HHAT: variants seen among roughly 807,000 people sequenced by gnomAD.
HHAT encodes the protein protein-cysteine N-palmitoyltransferase HHAT.
Under a neutral mutation model 70.8 loss-of-function variants are expected in HHAT, and 47 were observed. The observed-to-expected ratio is 0.66, with a 90% confidence interval of 0.53 to 0.85. The LOEUF (loss-of-function observed/expected upper bound fraction) is 0.85, where lower values mean the gene tolerates loss of function less well. HHAT is among the 40% of genes least tolerant of loss of function. The pLI is 0.00. For missense variants in HHAT, 609 were observed against 604.8 expected, an observed-to-expected ratio of 1.01 and a Z score of -0.07; for synonymous variants, 228 against 247.6, an observed-to-expected ratio of 0.92 and a Z score of 0.74.
chr1:210,513,280 A>G (rs2094992793), intron 9 of HHAT, 92 bp downstream of exon 9: 1 of 695,294 alleles, frequency 1.4e-6, no homozygotes, highest in East Asian at 2.6e-5. Flanking sequence ...ATCTTGATAA[A>G]TAATGGCACT....
chr1:210,602,489 C>G (rs900016215), intron 10 of HHAT, among the ~76,000 whole-genome samples: 1 of 151,964 alleles, frequency 6.6e-6, no homozygotes, highest in African/African-American at 2.4e-5. Context: ...GCGTGCGCTA[C>G]CTGAAGTCAG....
chr1:210,547,250 C>T (rs533890198), intron 9 of HHAT, among the ~76,000 whole-genome samples: 3 of 152,122 alleles, frequency 2.0e-5, no homozygotes, highest in South Asian at 2.1e-4. Context: ...TGCTTGAACC[C>T]GGGAGGCAGA....
intron 9 of HHAT, among the ~76,000 whole-genome samples, chr1:210,535,359 A>G (rs1391045285): frequency 6.6e-6 from 1 of 152,048 alleles, no homozygotes. Flanking sequence ...TGTAAGGTTG[A>G]TTACTAGCCT....
intron 11 of HHAT, among the ~76,000 whole-genome samples, chr1:210,627,067 G>C (rs1272254408): frequency 6.6e-6 from 1 of 152,158 alleles, no homozygotes; most frequent in Non-Finnish European, 1.5e-5. Flanking sequence ...TAGATTTCCA[G>C]GTTTAAGGGA....
chr1:210,547,570 G>A (rs17016399), intron 9 of HHAT, among the ~76,000 whole-genome samples: 5,776 of 152,222 alleles, frequency 0.038, 343 homozygotes, highest in African/African-American at 0.13. Flanking sequence ...AGGTCCCAAA[G>A]GGCCTCTATT....
chr1:210,587,947 CTG>C lies in HHAT; in HGVS notation c.1095_1096del (p.Ser367HisfsTer84), dbSNP rs1389493950. ...GTCCCAGCATGGCCTGCTGGGGACA[CTG>C]TTTTCCACGGCGATGACATTTGCAT... is the stretch of plus-strand genomic sequence containing the variant. ...GGSQHGLLGT[L>X]FSTAMTFAFV... On this transcript the variant is annotated frameshift_variant, in exon 10 of 12. Transcript: ENST00000261458. LOFTEE classifies it high-confidence loss of function. 2 of 1,613,992 alleles carry C rather than the reference CTG, an allele frequency of 1.2e-6. No homozygotes were observed. The highest frequency in any genetic ancestry group is 2.7e-5 in the African/African-American group (2 of 74,920).
chr1:210,538,006 A>C (rs1052751236), intron 9 of HHAT, among the ~76,000 whole-genome samples: 1 of 152,076 alleles, frequency 6.6e-6, no homozygotes, highest in African/African-American at 2.4e-5. Context: ...GCTAATTAGA[A>C]ATAGTGATGA....
chr1:210,671,378 T>C (rs1459483015), intron 11 of HHAT, among the ~76,000 whole-genome samples: 2 of 152,220 alleles, frequency 1.3e-5, no homozygotes, highest in African/African-American at 4.8e-5. Context: ...ATGAGAACTC[T>C]GAGGGCTTCC....
intron 11 of HHAT, among the ~76,000 whole-genome samples, chr1:210,639,009 ATT>A (rs1490664731): frequency 1.3e-5 from 2 of 152,224 alleles, no homozygotes; most frequent in Non-Finnish European, 2.9e-5. Flanking sequence ...TAAATTGGTG[ATT>A]TATGTGATAT....
intron 11 of HHAT, among the ~76,000 whole-genome samples, chr1:210,635,360 A>G (rs141970544): frequency 2.0e-5 from 3 of 152,352 alleles, no homozygotes; most frequent in African/African-American, 7.2e-5. Context: ...AAGCCCATAC[A>G]TGCCATGCTG....
At chr1:210,360,323 GT>G (rs1311846105) in intron 2 of HHAT, among the ~76,000 whole-genome samples, 2 of 138,708 alleles carry the variant, frequency 1.4e-5, no homozygotes, top group Non-Finnish European at 3.1e-5. Flanking sequence ...TTTTTGTTTT[GT>G]TTTGATATGA....
intron 9 of HHAT, among the ~76,000 whole-genome samples, chr1:210,531,720 T>C (rs1435960197): frequency 6.6e-6 from 1 of 152,224 alleles, no homozygotes; most frequent in African/African-American, 2.4e-5. Context: ...AGAAAACCCA[T>C]ATGAAAATGC....
In HHAT at chr1:210,476,683, A is replaced by T. The variant is rs199770022; in HGVS notation, c.1007+12028A>T. Among the ~76,000 whole-genome samples, 12 of 152,244 alleles carry T rather than the reference A, an allele frequency of 7.9e-5. No individual in the cohort carries two copies. In the East Asian group the frequency reaches 1.5e-3, roughly 20 times the overall value. The stretch of plus-strand genomic sequence containing the variant: ...GGACTGCTATACCTTACTGTTTTGT[A>T]TTTGATATTTTGCTTTAACACAGCC... On this transcript the variant is annotated intron_variant, in intron 8 of 11. Coordinates refer to ENST00000261458, the MANE Select transcript of HHAT (RefSeq NM_018194.6).
chr1:210,660,743 A>G (rs998208377), intron 11 of HHAT, among the ~76,000 whole-genome samples: 1 of 152,006 alleles, frequency 6.6e-6, no homozygotes, highest in African/African-American at 2.4e-5. Context: ...CAGAACAGAC[A>G]CCTCAGAAAT....
At chr1:210,425,713 T>A (rs2148302460) in intron 7 of HHAT, among the ~76,000 whole-genome samples, 1 of 152,294 alleles carries the variant, frequency 6.6e-6, no homozygotes, top group Non-Finnish European at 1.5e-5. Flanking sequence ...TCGGTTTCTG[T>A]ATCAGTATCA....
chr1:210,513,789 T>C (rs551023419), intron 9 of HHAT, among the ~76,000 whole-genome samples: 56 of 152,356 alleles, frequency 3.7e-4, no homozygotes, highest in African/African-American at 1.3e-3. Context: ...TGCTGTGTTT[T>C]CTAAATGTAT....
chr1:210,531,234 T>G (rs143110710), intron 9 of HHAT, among the ~76,000 whole-genome samples: 1 of 152,248 alleles, frequency 6.6e-6, no homozygotes, highest in African/African-American at 2.4e-5. Flanking sequence ...CTATCATATA[T>G]GCAGTCTGTT....
chr1:210,626,721 A>G (rs1669904072), intron 11 of HHAT, among the ~76,000 whole-genome samples: 1 of 152,206 alleles, frequency 6.6e-6, no homozygotes, highest in Non-Finnish European at 1.5e-5. Flanking sequence ...ATAGAAGATT[A>G]ATATGAATAT....
chr1:210,592,031 A>C (rs1661833089), intron 10 of HHAT, among the ~76,000 whole-genome samples: 1 of 151,982 alleles, frequency 6.6e-6, no homozygotes, highest in South Asian at 2.1e-4. Flanking sequence ...AAAACTTTTA[A>C]CTTGATGTGA....
Sources: allele counts gnomAD v4.1 joint callset (sites outside exome capture counted in the v4.1 genomes callset), GRCh38; gene constraint gnomAD v4.1.1; transcripts MANE v1.5; gene names NCBI Gene and HGNC (gene_info 2026-07-23, HGNC 2026-07-21).